WDFY3: variants seen among roughly 807,000 people sequenced by gnomAD.
WDFY3 encodes the protein WD repeat and FYVE domain-containing protein 3.
WDFY3 carries 66 observed loss-of-function variants against 409.6 expected under a neutral mutation model. The ratio of observed to expected loss-of-function variants is 0.16; its 90% CI spans 0.13 to 0.20. WDFY3 has a LOEUF of 0.20. Ranked by LOEUF, WDFY3 falls within the 10% of genes least tolerant of loss-of-function variation. The pLI is 1.00. For missense variants in WDFY3, 3,031 were observed against 4,298.1 expected, an observed-to-expected ratio of 0.71 and a Z score of 8.24; for synonymous variants, 1,521 against 1,537.1, an observed-to-expected ratio of 0.99 and a Z score of 0.25.
intron 47 of WDFY3, 52 bp from the exon 48 acceptor site, chr4:84,718,622 A>AT (rs757891636): frequency 6.3e-7 from 1 of 1,579,990 alleles, no homozygotes; most frequent in Non-Finnish European, 8.6e-7. Context: ...GTAAAGATCA[A>AT]TTTTTGTTAG....
chr4:84,887,320 G>A (rs933034532), intron 3 of WDFY3, among the ~76,000 whole-genome samples: 3 of 152,124 alleles, frequency 2.0e-5, no homozygotes, highest in Admixed American at 6.6e-5. Flanking sequence ...TTAAAAGATC[G>A]TCAATTACAG....
rs1374625647 is a variant in WDFY3 at position 84,904,886 on chromosome 4, C to T, written c.-131-7876G>A. The stretch of plus-strand genomic sequence containing the variant: ...CAAAAATAAGGCTCACACCTGTAAT[C>T]CCAGCACTTTGGGAGGCCAAGGCAG... On this transcript the variant is annotated intron_variant, in intron 2 of 67. Transcript: ENST00000295888. Among the ~76,000 whole-genome samples, 4 of 152,244 alleles carry T rather than the reference C, an allele frequency of 2.6e-5. No homozygotes were observed. In the East Asian group the frequency reaches 5.8e-4, roughly 22 times the overall value.
chr4:84,721,272 A>C (rs1734816915), intron 47 of WDFY3, 137 bp downstream of exon 47: 1 of 1,170,938 alleles, frequency 8.5e-7, no homozygotes, highest in African/African-American at 1.5e-5. Flanking sequence ...AGAGTACTGA[A>C]CCCAAAAGGC....
At chr4:84,698,025 A>G (rs1249128854) in intron 56 of WDFY3, among the ~76,000 whole-genome samples, 1 of 152,090 alleles carries the variant, frequency 6.6e-6, no homozygotes, top group African/African-American at 2.4e-5. Context: ...AGTTATTACA[A>G]CCCTTCCTCC....
intron 37 of WDFY3, among the ~76,000 whole-genome samples, chr4:84,743,069 G>A (rs750165889): frequency 1.3e-5 from 2 of 152,010 alleles, no homozygotes; most frequent in Non-Finnish European, 1.5e-5. Context: ...AATTTACTTC[G>A]GGAAAAAAAT....
At chr4:84,947,291 T>C (rs1253300823) in intron 1 of WDFY3, among the ~76,000 whole-genome samples, 2 of 144,236 alleles carry the variant, frequency 1.4e-5, no homozygotes, top group African/African-American at 5.1e-5. Context: ...GGCGGGCGGA[T>C]CACGAGGTCA....
In WDFY3 at chr4:84,751,477, C is replaced by T. The variant is rs769731089; in HGVS notation, c.5973+6G>A. On this transcript the variant is annotated splice_donor_region_variant and intron_variant, in intron 36 of 67. Coordinates refer to ENST00000295888, the MANE Select transcript of WDFY3 (RefSeq NM_014991.6). The stretch of plus-strand genomic sequence containing the variant: ...AAGAGATGTAAATGCGTTTCTTTTT[C>T]TTTACCTCCAACAAAAGATCAATTA... 6.2e-7 allele frequency: 1 copy of T among 1,613,624 alleles called. No homozygotes were observed. The highest frequency in any genetic ancestry group is 1.3e-5 in the African/African-American group (1 of 75,020).
chr4:84,791,178 TAAAGA>T (rs1748454500), intron 21 of WDFY3, among the ~76,000 whole-genome samples: 1 of 152,138 alleles, frequency 6.6e-6, no homozygotes, highest in African/African-American at 2.4e-5. Flanking sequence ...GATGAGTAGA[TAAAGA>T]AAATGTGGTA....
At chr4:84,836,869 AGG>A in intron 7 of WDFY3, 58 bp downstream of exon 7, 1 of 1,296,294 alleles carries the variant, frequency 7.7e-7, no homozygotes. Flanking sequence ...ACATCTATTT[AGG>A]AAGTATACCC....
intron 3 of WDFY3, among the ~76,000 whole-genome samples, chr4:84,868,111 T>C (rs1761657088): frequency 7.2e-6 from 1 of 138,572 alleles, no homozygotes; most frequent in Admixed American, 7.8e-5. Context: ...GGTGGAGCTT[T>C]AAGTGAGCCG....
intron 3 of WDFY3, among the ~76,000 whole-genome samples, chr4:84,868,876 G>A (rs2150293367): frequency 6.6e-6 from 1 of 152,226 alleles, no homozygotes; most frequent in Non-Finnish European, 1.5e-5. Context: ...ATTATGTTAT[G>A]GAATAAATAA....
chr4:84,765,553 C>G (rs1329246064), intron 32 of WDFY3, among the ~76,000 whole-genome samples: 2 of 152,126 alleles, frequency 1.3e-5, no homozygotes, highest in African/African-American at 4.8e-5. Flanking sequence ...ACTTACAGAT[C>G]AGTAAGGCCT....
At chr4:84,684,216 A>G in intron 62 of WDFY3, 91 bp from the exon 63 acceptor site, 1 of 1,322,838 alleles carries the variant, frequency 7.6e-7, no homozygotes, top group Middle Eastern at 2.9e-4. Flanking sequence ...CCTAGTTCTC[A>G]GAAAGCCTTT....
At chr4:84,725,588 T>A (rs1051469824) in intron 45 of WDFY3, among the ~76,000 whole-genome samples, 1 of 152,152 alleles carries the variant, frequency 6.6e-6, no homozygotes, top group African/African-American at 2.4e-5. Context: ...AGACTATGGA[T>A]TAATAATTTT....
intron 3 of WDFY3, among the ~76,000 whole-genome samples, chr4:84,890,930 C>T (rs567621102): frequency 3.9e-5 from 6 of 152,188 alleles, no homozygotes; most frequent in Non-Finnish European, 7.3e-5. Context: ...GACTACACTA[C>T]AGGTGCCTAC....
chr4:84,851,461 C>T (rs1276638202), intron 4 of WDFY3, among the ~76,000 whole-genome samples: 1 of 152,090 alleles, frequency 6.6e-6, no homozygotes, highest in Non-Finnish European at 1.5e-5. Context: ...ACTGCCCTCA[C>T]AATCAAATTC....
At chr4:84,788,119 AT>A (rs2149527781) in intron 22 of WDFY3, among the ~76,000 whole-genome samples, 1 of 152,338 alleles carries the variant, frequency 6.6e-6, no homozygotes, top group South Asian at 2.1e-4. Context: ...GTTAACTAAA[AT>A]TACTGATGAA....
At chr4:84,743,604 G>A in intron 37 of WDFY3, 96 bp downstream of exon 37, 1 of 895,142 alleles carries the variant, frequency 1.1e-6, no homozygotes, top group South Asian at 3.1e-5. Flanking sequence ...AGACAAAAAA[G>A]GAAAGAAAAA....
chr4:84,764,908 A>G (rs1224756819), intron 32 of WDFY3, among the ~76,000 whole-genome samples: 2 of 151,924 alleles, frequency 1.3e-5, no homozygotes, highest in African/African-American at 2.4e-5. Context: ...ATTTGCTTTC[A>G]TGTTTAAAGA....
Sources: gnomAD v4.1 joint callset for allele counts (sites outside exome capture counted in the v4.1 genomes callset) on GRCh38, gnomAD v4.1.1 for gene constraint, MANE v1.5 for transcripts, NCBI Gene and HGNC (gene_info 2026-07-23, HGNC 2026-07-21) for gene names.